Variants in ARHGEF26 observed in about 807,000 individuals in gnomAD.
The protein encoded by ARHGEF26 is Rho guanine nucleotide exchange factor 26, also known as Rho guanine nucleotide exchange factor (GEF) 26.
ARHGEF26 carries 59 observed loss-of-function variants against 89.4 expected under a neutral mutation model. The observed-to-expected ratio is 0.66, with a 90% CI of 0.54 to 0.82. The LOEUF is 0.82. ARHGEF26 is among the 40% of genes least tolerant of loss of function. ARHGEF26 has a pLI of 0.00. For synonymous variants in ARHGEF26, 500 were observed against 428.4 expected (o/e 1.17, Z -2.06); for missense variants, 1,234 against 1,085.6 (o/e 1.14, Z -1.92).
intron 12 of ARHGEF26, among the ~76,000 whole-genome samples, chr3:154,246,577 C>G (rs1398715809): frequency 6.6e-6 from 1 of 152,102 alleles, no homozygotes; most frequent in Non-Finnish European, 1.5e-5. Flanking sequence ...GGTTCTCTAC[C>G]AGAGATATCT....
intron 4 of ARHGEF26, among the ~76,000 whole-genome samples, chr3:154,138,798 C>A (rs1397582195): frequency 6.6e-6 from 1 of 152,130 alleles, no homozygotes; most frequent in Non-Finnish European, 1.5e-5. Flanking sequence ...AAGGGCCTGC[C>A]CCACATGAAG....
chr3:154,164,793 T>C (rs1366987585), intron 6 of ARHGEF26, among the ~76,000 whole-genome samples: 1 of 152,182 alleles, frequency 6.6e-6, no homozygotes, highest in East Asian at 1.9e-4. Flanking sequence ...ACTACTTAGT[T>C]ATAAATATTT....
chr3:154,166,739 G>A (rs77936355), intron 6 of ARHGEF26, among the ~76,000 whole-genome samples: 1 of 152,112 alleles, frequency 6.6e-6, no homozygotes, highest in Non-Finnish European at 1.5e-5. Flanking sequence ...TATCCATCTG[G>A]AGGAGGCTAC....
chr3:154,255,388 G>T lies in ARHGEF26; in HGVS notation c.2531G>T (p.Cys844Phe), dbSNP rs1049138937. The T allele has an allele frequency of 6.2e-7, 1 of 1,613,770 alleles. No homozygotes were observed. Among genetic ancestry groups the T allele is most frequent in the African/African-American group, 1.3e-5 (1 of 74,956 alleles). Residue 844 changes from cysteine to phenylalanine, a missense_variant, in exon 15 of 15, where the codon TGT (cysteine) becomes TTT (phenylalanine). Coordinates refer to ENST00000465093, the MANE Select transcript of ARHGEF26 (RefSeq NM_015595.4). ...DGERGWFPME[C>F]AKEITCQATI... The stretch of plus-strand genomic sequence containing the variant: ...GAAAGAGGCTGGTTTCCTATGGAAT[G>T]TGCCAAGGAGATAACATGTCAAGCT...
At chr3:154,243,764 A>C (rs944956241) in intron 12 of ARHGEF26, among the ~76,000 whole-genome samples, 1 of 131,026 alleles carries the variant, frequency 7.6e-6, no homozygotes, top group Admixed American at 9.8e-5. Context: ...CCTCAATTAC[A>C]GTTGAGAAGT....
intron 4 of ARHGEF26, among the ~76,000 whole-genome samples, chr3:154,130,650 T>G (rs1279031127): frequency 6.6e-6 from 1 of 152,220 alleles, no homozygotes; most frequent in African/African-American, 2.4e-5. Flanking sequence ...TGTCACAGTT[T>G]GATGCTTAGT....
chr3:154,195,122 TACA>T (rs2108195573), intron 9 of ARHGEF26, among the ~76,000 whole-genome samples: 1 of 152,266 alleles, frequency 6.6e-6, no homozygotes, highest in African/African-American at 2.4e-5. Context: ...TAAACAGAGT[TACA>T]ATGAAGGGTA....
rs867166047 is a variant in ARHGEF26 at position 154,256,731 on chromosome 3, A to G, written c.*1258A>G. 7.2e-7 allele frequency: 1 copy of G among 1,379,378 alleles called. No homozygotes were observed. Among genetic ancestry groups the G allele is most frequent in the African/African-American group, 1.5e-5 (1 of 67,670 alleles). 85.4% of individuals were successfully genotyped at this position (1,379,378 alleles called of 1,614,324 possible). ...GAAAATTAGGCCTTAAAAGATACCAAGAAGTCAGCATGGTACCCAATTGAA... is the reference window on the plus strand; with the variant it reads ...GAAAATTAGGCCTTAAAAGATACCAGGAAGTCAGCATGGTACCCAATTGAA... On this transcript the variant is annotated 3_prime_UTR_variant, in exon 15 of 15. Transcript: ENST00000465093.
At chr3:154,220,021 A>C (rs1716031328) in intron 10 of ARHGEF26, among the ~76,000 whole-genome samples, 1 of 152,234 alleles carries the variant, frequency 6.6e-6, no homozygotes, top group African/African-American at 2.4e-5. Flanking sequence ...TGCGAGCATA[A>C]AGTATGGATT....
At chr3:154,174,848 A>G (rs144134046) in intron 6 of ARHGEF26, among the ~76,000 whole-genome samples, 103 of 152,250 alleles carry the variant, frequency 6.8e-4, no homozygotes, top group African/African-American at 2.4e-3. Flanking sequence ...AAAAATAGTT[A>G]AGAAATTTGA....
chr3:154,211,567 A>G (rs1715362559), intron 9 of ARHGEF26, among the ~76,000 whole-genome samples: 1 of 152,036 alleles, frequency 6.6e-6, no homozygotes, highest in African/African-American at 2.4e-5. Flanking sequence ...CTATCTCTTT[A>G]GTGCCTCTTT....
chr3:154,238,822 G>A (rs917931649), intron 11 of ARHGEF26, among the ~76,000 whole-genome samples: 5 of 152,150 alleles, frequency 3.3e-5, no homozygotes, highest in Non-Finnish European at 7.3e-5. Context: ...ATACAATCAA[G>A]GAGATGAATG....
chr3:154,256,863 A>T lies in ARHGEF26; in HGVS notation c.*1390A>T. ...GTTTCTATAGAACTTTACTTTTTCC[A>T]CTAGTGCACAGAGAGAGAAAGGTTA... On this transcript the variant is annotated 3_prime_UTR_variant, in exon 15 of 15. Coordinates refer to ENST00000465093, the MANE Select transcript of ARHGEF26 (RefSeq NM_015595.4). 1 of 1,533,438 alleles carries T rather than the reference A, an allele frequency of 6.5e-7. No homozygotes were observed. 95.0% of individuals were successfully genotyped at this position (1,533,438 alleles called of 1,614,324 possible). A position where few individuals can be genotyped will look rare whatever the true frequency, so the allele number is the denominator to read the frequency against.
intron 12 of ARHGEF26, among the ~76,000 whole-genome samples, chr3:154,248,745 C>T (rs1717943346): frequency 6.6e-6 from 1 of 152,112 alleles, no homozygotes; most frequent in African/African-American, 2.4e-5. Context: ...AACTATATAG[C>T]ATGTGACAAA....
At chr3:154,245,852 A>C (rs1213643416) in intron 12 of ARHGEF26, among the ~76,000 whole-genome samples, 1 of 152,206 alleles carries the variant, frequency 6.6e-6, no homozygotes, top group African/African-American at 2.4e-5. Flanking sequence ...GGGATGTAGC[A>C]GTGAACCATA....
At chr3:154,213,135 A>T in intron 9 of ARHGEF26, among the ~76,000 whole-genome samples, 1 of 151,658 alleles carries the variant, frequency 6.6e-6, no homozygotes, top group South Asian at 2.1e-4. Context: ...ATATTCTATT[A>T]ATCTTTGTTA....
At position 154,122,199 on chromosome 3, in the gene ARHGEF26, C is replaced by T; in HGVS notation, c.207C>T (p.Pro69=). 6.2e-7 allele frequency: 1 copy of T among 1,603,042 alleles called. No homozygotes were observed. The highest frequency in any genetic ancestry group is 8.5e-7 in the Non-Finnish European group (1 of 1,175,136). Residue 69 remains proline (P), a synonymous_variant, in exon 2 of 15, where the codon CCC becomes CCT. Coordinates refer to ENST00000465093, the MANE Select transcript of ARHGEF26 (RefSeq NM_015595.4). ...CAGCGCAGATTCCCGCCCAGGTGCC[C>T]ACCGCCTCGGACAGCAGGACGGTAC... is the stretch of plus-strand genomic sequence containing the variant. ...LLAAQIPAQV[P]TASDSRTVHR...
chr3:154,229,801 CTT>C (rs1553750510), intron 11 of ARHGEF26, among the ~76,000 whole-genome samples: 6 of 152,164 alleles, frequency 3.9e-5, no homozygotes, highest in Non-Finnish European at 8.8e-5. Flanking sequence ...ACTAAACTAG[CTT>C]TGCCTTTGGA....
chr3:154,186,189 A>T (rs1713530748), intron 6 of ARHGEF26, among the ~76,000 whole-genome samples: 1 of 150,938 alleles, frequency 6.6e-6, no homozygotes, highest in Non-Finnish European at 1.5e-5. Context: ...ACTATTGTAC[A>T]GTCAGTGTGG....
Sources: gnomAD v4.1 joint callset for allele counts (sites outside exome capture counted in the v4.1 genomes callset) on GRCh38, gnomAD v4.1.1 for gene constraint, MANE v1.5 for transcripts, NCBI Gene and HGNC (gene_info 2026-07-23, HGNC 2026-07-21) for gene names.